INTS12: variants seen among roughly 807,000 people sequenced by gnomAD.
INTS12 encodes PHD finger protein 22.
A neutral mutation model predicts 41.6 loss-of-function variants in INTS12; 13 were observed. The observed-to-expected ratio is 0.31, with a 90% CI of 0.20 to 0.50. The LOEUF is 0.50. INTS12 is among the 20% of genes least tolerant of loss of function. The pLI, the probability that INTS12 is intolerant of heterozygous loss-of-function variation, is 0.98. For synonymous variants in INTS12, 199 were observed against 191.4 expected, an observed-to-expected ratio of 1.04 and a Z score of -0.33; for missense variants, 432 against 541.6, an observed-to-expected ratio of 0.80 and a Z score of 2.01.
At chr4:105,697,912 T>C (rs4490460) in intron 3 of INTS12, among the ~76,000 whole-genome samples, 20,800 of 152,050 alleles carry the variant, frequency 0.14, 2,132 homozygotes, top group African/African-American at 0.29. Flanking sequence ...TAGCCAAGCA[T>C]GGTGGCATGC....
chr4:105,708,130 T>G, intron 1 of INTS12: 1 of 985,468 alleles, frequency 1.0e-6, no homozygotes. Context: ...ACTGAGTTCT[T>G]GGTTCTGGAT....
chr4:105,703,780 T>C lies in INTS12; in HGVS notation c.-142A>G, dbSNP rs1324353369. 6.6e-6 allele frequency: 1 copy of C among 152,218 alleles called. No individual in the cohort carries two copies. The highest frequency in any genetic ancestry group is 1.5e-5 in the Non-Finnish European group (1 of 68,040). 9.4% of individuals were successfully genotyped at this position (152,218 alleles called of 1,614,324 possible). On this transcript the variant is annotated 5_prime_UTR_variant, in exon 2 of 8. Coordinates refer to ENST00000340139, the MANE Select transcript of INTS12 (RefSeq NM_020395.4). ...ATACTTCCTCCATTTTCTTTTAAAATTGCTTCTGTGTTTCAGTAGATGGCC... is the reference window on the plus strand; with the variant it reads ...ATACTTCCTCCATTTTCTTTTAAAACTGCTTCTGTGTTTCAGTAGATGGCC...
rs144678574 is a variant in INTS12 at position 105,706,618 on chromosome 4, G to A, written c.-172+2020C>T. 7.6e-3 allele frequency among the ~76,000 whole-genome samples: 1,151 copies of A among 152,248 alleles called. 7 individuals carry two copies. Among genetic ancestry groups the A allele is most frequent in the Non-Finnish European group, 0.012 (824 of 68,022 alleles). On this transcript the variant is annotated intron_variant, in intron 1 of 7. Coordinates refer to ENST00000340139, the MANE Select transcript of INTS12 (RefSeq NM_020395.4). ...ATTCCTTAATGGCATCTCAAATTCAGTTACAACTAAAATTGAGATTCTGAT... is the reference window on the plus strand; with the variant it reads ...ATTCCTTAATGGCATCTCAAATTCAATTACAACTAAAATTGAGATTCTGAT...
chr4:105,683,651 T>C lies in INTS12; in HGVS notation c.805-334A>G, dbSNP rs543815444. 1.1e-4 allele frequency among the ~76,000 whole-genome samples: 16 copies of C among 152,312 alleles called. No individual in the cohort carries two copies. In the South Asian group the frequency reaches 3.3e-3, roughly 32 times the overall value. On this transcript the variant is annotated intron_variant, in intron 7 of 7. Coordinates refer to ENST00000340139, the MANE Select transcript of INTS12 (RefSeq NM_020395.4). Reference sequence around the variant, plus strand: ...ATAGTTTTTACCCAACAAAGTATTATCGACCTTAGTTAAACATCTAATTCT... The same window carrying C: ...ATAGTTTTTACCCAACAAAGTATTACCGACCTTAGTTAAACATCTAATTCT...
rs759996806 is a variant in INTS12, at chr4:105,682,728, C to T, written c.*5G>A. ...TAATATGATACAAAAACCTACTTGG[C>T]CACATTACTTCTTGAGTTTCTTTTG... On this transcript the variant is annotated 3_prime_UTR_variant, in exon 8 of 8. Transcript: ENST00000340139. 1.9e-6 allele frequency: 3 copies of T among 1,610,220 alleles called. No homozygotes were observed. The South Asian group carries it at 3.3e-5, about 18-fold the overall frequency.
At chr4:105,694,306 C>T (rs897964059) in intron 4 of INTS12, among the ~76,000 whole-genome samples, 4 of 152,124 alleles carry the variant, frequency 2.6e-5, no homozygotes, top group Non-Finnish European at 2.9e-5. Context: ...AGGATATACA[C>T]ACACACAGTA....
Position 105,692,078 on chromosome 4 carries a change from G to A in INTS12, c.555C>T (p.Leu185=), listed in dbSNP as rs773788321. 1.2e-6 allele frequency: 2 copies of A among 1,609,338 alleles called. No homozygotes were observed. The highest frequency in any genetic ancestry group is 1.7e-6 in the Non-Finnish European group (2 of 1,178,234). Residue 185 remains leucine, a synonymous_variant, in exon 6 of 8, where the codon CTC becomes CTT. Coordinates refer to ENST00000340139, the MANE Select transcript of INTS12 (RefSeq NM_020395.4). ...GGGGTTTATGACAATCTCGGTGGTA[G>A]AGATTATGGCACTCCTGACATTCTA... ...QLVECQECHN[L]YHRDCHKPQV... is the part of the protein sequence containing the mutation.
intron 7 of INTS12, among the ~76,000 whole-genome samples, chr4:105,683,945 T>C (rs1294999127): frequency 6.6e-6 from 1 of 152,192 alleles, no homozygotes; most frequent in Non-Finnish European, 1.5e-5. Context: ...TGTACAATTT[T>C]TATGATGTGT....
At chr4:105,708,552 C>G (rs1289010172) in intron 1 of INTS12, 86 bp downstream of exon 1, 1 of 985,378 alleles carries the variant, frequency 1.0e-6, no homozygotes, top group South Asian at 4.7e-5. Flanking sequence ...ACTAATACCC[C>G]ACGTAGCTAC....
At chr4:105,687,003 T>A (rs1186784845) in intron 6 of INTS12, 165 bp from the exon 7 acceptor site, 2 of 624,974 alleles carry the variant, frequency 3.2e-6, no homozygotes, top group East Asian at 5.6e-5. Flanking sequence ...TATTATCATA[T>A]TAATGGTCTT....
chr4:105,699,974 G>A lies in INTS12; in HGVS notation c.32C>T (p.Pro11Leu). 1 of 1,535,530 alleles carries A rather than the reference G, an allele frequency of 6.5e-7. No individual in the cohort carries two copies. The highest frequency in any genetic ancestry group is 8.9e-7 in the Non-Finnish European group (1 of 1,126,184). Residue 11 changes from proline to leucine, a missense_variant, in exon 3 of 8, where the codon CCC becomes CTC. Physicochemically the swap from Pro to Leu is moderately conservative, Grantham distance 98. Around this residue, in one of 3 missense-constraint regions of INTS12, gnomAD observed 168 missense variants for 198.9 expected, o/e 0.84. Coordinates refer to ENST00000340139, the MANE Select transcript of INTS12 (RefSeq NM_020395.4). ...GAAACCTAGTGCTTTCAAAAAAATG[G>A]GATCAAGTTCCAAGTTCACAGTAGC... MAATVNLELD[P>L]IFLKALGFLH...
chr4:105,703,460 T>C (rs899606342), intron 2 of INTS12, among the ~76,000 whole-genome samples, 188 bp downstream of exon 2: 7 of 152,278 alleles, frequency 4.6e-5, no homozygotes, highest in African/African-American at 1.7e-4. Context: ...TTATCCTTGA[T>C]TTATTGCAGT....
At chr4:105,700,535 C>CTT (rs370699451) in intron 2 of INTS12, among the ~76,000 whole-genome samples, 12 of 140,684 alleles carry the variant, frequency 8.5e-5, no homozygotes, top group East Asian at 2.0e-4. Flanking sequence ...TACCTCAACT[C>CTT]TTTTTTTTTT....
chr4:105,701,033 T>C (rs17036123), intron 2 of INTS12, among the ~76,000 whole-genome samples: 8,179 of 152,184 alleles, frequency 0.054, 252 homozygotes, highest in Middle Eastern at 0.14. Context: ...CACACTTGCA[T>C]TGCTATAGTT....
At chr4:105,704,949 C>T (rs1423619830) in intron 1 of INTS12, among the ~76,000 whole-genome samples, 1 of 152,168 alleles carries the variant, frequency 6.6e-6, no homozygotes, top group Non-Finnish European at 1.5e-5. Flanking sequence ...AATCAGTCTC[C>T]CACAATCACT....
chr4:105,697,530 A>G (rs1731911801), intron 3 of INTS12, among the ~76,000 whole-genome samples: 1 of 152,142 alleles, frequency 6.6e-6, no homozygotes, highest in Non-Finnish European at 1.5e-5. Flanking sequence ...TGAGGCCTAT[A>G]AATAGTTTTT....
intron 1 of INTS12, among the ~76,000 whole-genome samples, chr4:105,705,082 T>C (rs948258998): frequency 6.6e-6 from 1 of 152,042 alleles, no homozygotes; most frequent in African/African-American, 2.4e-5. Context: ...ACATCAGGGG[T>C]CCCTAACCTT....
At chr4:105,699,810 C>G (rs1172564243) in intron 3 of INTS12, 40 bp downstream of exon 3, 5 of 1,423,840 alleles carry the variant, frequency 3.5e-6, no homozygotes. Flanking sequence ...TACTACAGGC[C>G]TTACAAAACT....
intron 2 of INTS12, chr4:105,702,811 A>G (rs1291386520): frequency 1.2e-6 from 1 of 858,758 alleles, no homozygotes; most frequent in Non-Finnish European, 1.4e-6. Context: ...ACCAAACAGA[A>G]AACAGTAGTT....
Sources: allele counts gnomAD v4.1 joint callset (sites outside exome capture counted in the v4.1 genomes callset), GRCh38; gene constraint gnomAD v4.1.1; regional missense constraint gnomAD v4.1.1; transcripts MANE v1.5; gene names NCBI Gene and HGNC (gene_info 2026-07-23, HGNC 2026-07-21).